CEP128: variants seen among roughly 807,000 people sequenced by gnomAD.
CEP128 encodes centrosomal protein 128, also known as centrosomal protein 128kDa.
A neutral mutation model predicts 156.7 loss-of-function variants in CEP128; 132 were observed. The ratio of observed to expected loss-of-function variants is 0.84; its 90% CI spans 0.73 to 0.97. The LOEUF (loss-of-function observed/expected upper bound fraction) is 0.97, where lower values mean the gene tolerates loss of function less well. Among genes scored for constraint, CEP128 ranks in the 50% least tolerant of loss-of-function variants. The pLI, the probability that CEP128 is intolerant of heterozygous loss-of-function variation, is 0.00. For missense variants in CEP128, 1,252 were observed against 1,281.9 expected, an observed-to-expected ratio of 0.98 and a Z score of 0.36; for synonymous variants, 469 against 448.9, an observed-to-expected ratio of 1.04 and a Z score of -0.57.
At chr14:80,690,234 C>T (rs1299399137) in intron 19 of CEP128, among the ~76,000 whole-genome samples, 1 of 145,508 alleles carries the variant, frequency 6.9e-6, no homozygotes, top group Non-Finnish European at 1.5e-5. Flanking sequence ...CGGAGAAACC[C>T]TGTCTCTATT....
rs546308329 is a variant in CEP128 at position 80,650,760 on chromosome 14, GA to G, written c.2807-70338del. Among the ~76,000 whole-genome samples the G allele has an allele frequency of 9.1e-4, 139 of 152,238 alleles. 1 individual carries two copies. The highest frequency in any genetic ancestry group is 3.2e-3 in the African/African-American group (134 of 41,546). ...TATTGAATCAGCCTTTCATCCCAGG[GA>G]TGAAGCCTGCTTGATCATGGTGGAT... On this transcript the variant is annotated intron_variant, in intron 19 of 24. Coordinates refer to ENST00000555265, the MANE Select transcript of CEP128 (RefSeq NM_152446.5).
chr14:80,840,805 T>A (rs1886315836), intron 9 of CEP128, 37 bp from the exon 10 acceptor site: 2 of 1,291,248 alleles, frequency 1.5e-6, no homozygotes, highest in Non-Finnish European at 2.2e-6. Context: ...TATCCCAAAA[T>A]ATGTACAAAA....
intron 19 of CEP128, among the ~76,000 whole-genome samples, chr14:80,689,867 TATC>T (rs1339749511): frequency 6.6e-6 from 1 of 152,050 alleles, no homozygotes; most frequent in Non-Finnish European, 1.5e-5. Context: ...GTTAATAGAT[TATC>T]GATTAATTTT....
In CEP128 at chr14:80,941,672, A is replaced by G. The variant is rs1886167497; in HGVS notation, c.-263T>C. 6.5e-6 allele frequency: 1 copy of G among 152,880 alleles called. No homozygotes were observed. The highest frequency in any genetic ancestry group is 1.5e-5 in the Non-Finnish European group (1 of 68,284). The allele number at this position is 152,880 out of a possible 1,614,324, so 9.5% of individuals were successfully genotyped here. A position where few individuals can be genotyped will look rare whatever the true frequency, so the allele number is the denominator to read the frequency against. On this transcript the variant is annotated 5_prime_UTR_variant, in exon 1 of 25. Coordinates refer to ENST00000555265, the MANE Select transcript of CEP128 (RefSeq NM_152446.5). ...GGCTACCAGTGACCCAGAAGGTGCA[A>G]CTGACCAAACGCAGCGACTCAACCG...
chr14:80,899,795 G>C (rs1419588214), intron 7 of CEP128, 143 bp downstream of exon 7: 2 of 554,004 alleles, frequency 3.6e-6, no homozygotes, highest in East Asian at 5.8e-5. Context: ...TCAAAGGGCT[G>C]TAAACTGTTC....
chr14:80,776,660 T>C lies in CEP128; in HGVS notation c.2376+1222A>G, dbSNP rs550325429. On this transcript the variant is annotated intron_variant, in intron 16 of 24. Coordinates refer to ENST00000555265, the MANE Select transcript of CEP128 (RefSeq NM_152446.5). ...AAGTTTATGAGTAGTTTTATGACAA[T>C]CCACCCAGTGCTAATTCCTTTCATC... Among the ~76,000 whole-genome samples, 3 of 151,686 alleles carry C rather than the reference T, an allele frequency of 2.0e-5. No homozygotes were observed. In the East Asian group the frequency reaches 5.8e-4, roughly 29 times the overall value.
intron 19 of CEP128, among the ~76,000 whole-genome samples, chr14:80,722,890 G>A (rs1196702691): frequency 2.1e-5 from 3 of 143,418 alleles, no homozygotes; most frequent in African/African-American, 7.9e-5. Flanking sequence ...GCAATGGCGC[G>A]ATCTCGGCTC....
intron 21 of CEP128, among the ~76,000 whole-genome samples, chr14:80,540,206 C>A (rs1003658979): frequency 2.7e-5 from 4 of 146,916 alleles, no homozygotes; most frequent in East Asian, 2.0e-4. Context: ...CACCCCCCCC[C>A]CTTTTGAAAC....
rs1898394881 is a variant in CEP128 at position 80,733,769 on chromosome 14, C to A, written c.2806+9306G>T. ...ACATGCATATGTTTATTTTCAGCAA[C>A]TACATCTATTATGTAAACCATTCTG... is the stretch of plus-strand genomic sequence containing the variant. On this transcript the variant is annotated intron_variant, in intron 19 of 24. Transcript: ENST00000555265. 2.0e-5 allele frequency among the ~76,000 whole-genome samples: 3 copies of A among 152,062 alleles called. No homozygotes were observed. In the South Asian group the frequency reaches 6.2e-4, roughly 31 times the overall value.
At chr14:80,873,884 C>T (rs1157323055) in intron 8 of CEP128, among the ~76,000 whole-genome samples, 2 of 151,892 alleles carry the variant, frequency 1.3e-5, no homozygotes, top group South Asian at 2.1e-4. Context: ...GTTTTAGAAA[C>T]GGGAGTTTCC....
intron 20 of CEP128, among the ~76,000 whole-genome samples, chr14:80,576,587 C>T (rs2122426): frequency 0.57 from 85,839 of 151,644 alleles, 24,572 homozygotes; most frequent in East Asian, 0.72. Context: ...TTTTATCCTT[C>T]TCCACTGCTA....
intron 19 of CEP128, among the ~76,000 whole-genome samples, chr14:80,695,878 T>A (rs187454207): frequency 7.7e-4 from 117 of 152,118 alleles, no homozygotes; most frequent in Non-Finnish European, 1.5e-3. Flanking sequence ...TTCAAAAAAA[T>A]TTTTTTTGAA....
intron 19 of CEP128, among the ~76,000 whole-genome samples, chr14:80,597,966 A>AAC (rs1555379727): frequency 2.1e-3 from 307 of 144,832 alleles, no homozygotes; most frequent in African/African-American, 5.4e-3. Flanking sequence ...AAAAAAAAAA[A>AAC]AAAACAAAAC....
At chr14:80,613,217 A>T (rs1439634426) in intron 19 of CEP128, among the ~76,000 whole-genome samples, 1 of 151,154 alleles carries the variant, frequency 6.6e-6, no homozygotes, top group East Asian at 1.9e-4. Context: ...TTTTGATCTC[A>T]TAGTTATGTT....
At chr14:80,736,579 T>C (rs189487042) in intron 19 of CEP128, among the ~76,000 whole-genome samples, 1,703 of 152,128 alleles carry the variant, frequency 0.011, 16 homozygotes, top group Non-Finnish European at 0.015. Context: ...AAATACAAAC[T>C]TTAAATATTT....
intron 19 of CEP128, among the ~76,000 whole-genome samples, chr14:80,644,910 T>C (rs1221471420): frequency 6.6e-6 from 1 of 152,166 alleles, no homozygotes; most frequent in Non-Finnish European, 1.5e-5. Context: ...ATTTGCATTT[T>C]CTAGGAAAAT....
At chr14:80,874,459 G>C (rs367710399) in intron 8 of CEP128, among the ~76,000 whole-genome samples, 26 of 149,524 alleles carry the variant, frequency 1.7e-4, no homozygotes, top group Middle Eastern at 3.4e-3. Context: ...GTGAGACTCT[G>C]TCTCTGTCTC....
intron 19 of CEP128, among the ~76,000 whole-genome samples, chr14:80,624,575 C>A (rs530655809): frequency 6.6e-6 from 1 of 152,126 alleles, no homozygotes; most frequent in African/African-American, 2.4e-5. Flanking sequence ...TTCTCCACAT[C>A]CTTGCCAGCA....
At chr14:80,481,831 A>T (rs1001400500) in intron 14 of CEP128, among the ~76,000 whole-genome samples, 1 of 152,248 alleles carries the variant, frequency 6.6e-6, no homozygotes. Context: ...TTCACCTTAA[A>T]TAGCCCAATT....
Sources: gnomAD v4.1 joint callset for allele counts (sites outside exome capture counted in the v4.1 genomes callset) on GRCh38, gnomAD v4.1.1 for gene constraint, MANE v1.5 for transcripts, NCBI Gene and HGNC (gene_info 2026-07-23, HGNC 2026-07-21) for gene names.